COL6A2: variants seen among roughly 807,000 people sequenced by gnomAD.
COL6A2 encodes the protein collagen type VI alpha 2 chain.
A neutral mutation model predicts 124.9 loss-of-function variants in COL6A2; 90 were observed. That is an observed-to-expected ratio of 0.72 (90% CI 0.61 to 0.86). The LOEUF is 0.86. Ranked by LOEUF, COL6A2 falls within the 40% of genes least tolerant of loss-of-function variation. COL6A2 has a pLI of 0.00. For synonymous variants in COL6A2, 793 were observed against 618.2 expected (o/e 1.28, Z -4.19); for missense variants, 1,607 against 1,502.5 (o/e 1.07, Z -1.15).
intron 21 of COL6A2, 99 bp downstream of exon 21, chr21:46,123,036 C>T: frequency 1.7e-6 from 2 of 1,210,714 alleles, no homozygotes; most frequent in South Asian, 1.2e-5. Flanking sequence ...GAACGCCAGG[C>T]AGCTTGGCCC....
rs992462694 is a variant in COL6A2, at chr21:46,098,113, C to T, written c.-88C>T. ...GGGCGGCGCCGGCCGCGGTTCCCTCCCTGCTGCTTACTCGGCGCCCGCGCC... is the reference window on the plus strand; with the variant it reads ...GGGCGGCGCCGGCCGCGGTTCCCTCTCTGCTGCTTACTCGGCGCCCGCGCC... On this transcript the variant is annotated 5_prime_UTR_variant, in exon 1 of 28. Coordinates refer to ENST00000300527, the MANE Select transcript of COL6A2 (RefSeq NM_001849.4). 6 of 152,150 alleles carry T rather than the reference C, an allele frequency of 3.9e-5. No homozygotes were observed. Among genetic ancestry groups the T allele is most frequent in the Admixed American group, 3.9e-4 (6 of 15,284 alleles). 9.4% of individuals were successfully genotyped at this position (152,150 alleles called of 1,614,324 possible).
chr21:46,128,699 G>C (rs2078712534), intron 27 of COL6A2, among the ~76,000 whole-genome samples: 1 of 152,262 alleles, frequency 6.6e-6, no homozygotes, highest in Non-Finnish European at 1.5e-5. Flanking sequence ...TCGGTGGAAA[G>C]AAAAGGCAGA....
At chr21:46,117,770 TG>T in intron 11 of COL6A2, 103 bp from the exon 12 acceptor site, 2 of 1,175,210 alleles carry the variant, frequency 1.7e-6, no homozygotes, top group Non-Finnish European at 2.5e-6. Flanking sequence ...ACAGTGAGGG[TG>T]GGAGGTGCGT....
chr21:46,129,028 C>T, intron 27 of COL6A2: 2 of 1,603,042 alleles, frequency 1.2e-6, no homozygotes, highest in Non-Finnish European at 1.7e-6. Flanking sequence ...GCCCCCACGC[C>T]TCCTGCCAAG....
intron 18 of COL6A2, 77 bp from the exon 19 acceptor site, chr21:46,122,031 T>TAAG: frequency 6.7e-7 from 1 of 1,486,144 alleles, no homozygotes; most frequent in South Asian, 1.2e-5. Flanking sequence ...AGTGTGCACC[T>TAAG]TGCGCCCTGT....
At chr21:46,126,258 C>T (rs1052124629) in intron 26 of COL6A2, 21 bp downstream of exon 26, 61 of 1,596,522 alleles carry the variant, frequency 3.8e-5, no homozygotes, top group Non-Finnish European at 4.6e-5. Flanking sequence ...GGGCGCGGGG[C>T]AGTCGGCCGA....
intron 17 of COL6A2, 88 bp from the exon 18 acceptor site, chr21:46,121,468 G>C (rs923485724): frequency 1.5e-6 from 2 of 1,312,466 alleles, no homozygotes; most frequent in Admixed American, 1.7e-5. Context: ...TGGCCTGGTG[G>C]TCAGGGCTGG....
chr21:46,118,699 CTGCAGCTGA>C (rs1392834154), intron 13 of COL6A2, 23 bp downstream of exon 13: 1 of 1,601,192 alleles, frequency 6.2e-7, no homozygotes, highest in African/African-American at 1.3e-5. Flanking sequence ...GCCTCTTCGC[CTGCAGCTGA>C]GCTGGCCACA....
intron 1 of COL6A2, among the ~76,000 whole-genome samples, chr21:46,106,714 G>A (rs556923538): frequency 4.0e-4 from 61 of 152,288 alleles, no homozygotes; most frequent in Middle Eastern, 3.4e-3. Flanking sequence ...AGGCCACCAT[G>A]TCATAGCCTA....
chr21:46,117,565 A>G (rs992429722), intron 11 of COL6A2, 112 bp downstream of exon 11: 62 of 1,085,774 alleles, frequency 5.7e-5, no homozygotes, highest in Middle Eastern at 2.8e-4. Flanking sequence ...CCGGCAGCCC[A>G]GCAGCCCCAG....
intron 26 of COL6A2, 39 bp downstream of exon 26, chr21:46,126,276 C>A: frequency 6.3e-7 from 1 of 1,589,910 alleles, no homozygotes; most frequent in Non-Finnish European, 8.5e-7. Context: ...CGAGGAGCAG[C>A]AGGCCCCAGC....
intron 1 of COL6A2, among the ~76,000 whole-genome samples, chr21:46,106,540 T>C (rs2078336800): frequency 6.6e-6 from 1 of 152,246 alleles, no homozygotes; most frequent in Admixed American, 6.5e-5. Context: ...AGATTTTTCA[T>C]TGACATTTTA....
At chr21:46,127,333 G>A (rs896590222) in intron 27 of COL6A2, among the ~76,000 whole-genome samples, 5 of 152,124 alleles carry the variant, frequency 3.3e-5, no homozygotes, top group African/African-American at 1.2e-4. Flanking sequence ...CGCGGTGTGC[G>A]TTCGGGCGTT....
chr21:46,131,119 G>A (rs1440700639), intron 27 of COL6A2, among the ~76,000 whole-genome samples: 1 of 152,194 alleles, frequency 6.6e-6, no homozygotes, highest in African/African-American at 2.4e-5. Context: ...AGACACCCTT[G>A]GGGAAACTGG....
At position 46,102,019 on chromosome 21, in the gene COL6A2, A is replaced by G. The variant is rs75626012; in HGVS notation, c.-28+3846A>G. ...GGTGGTATTGACATCTTAATATAGT[A>G]AGTCTTCCAATCTATGAACATGAAT... On this transcript the variant is annotated intron_variant, in intron 1 of 27. Coordinates refer to ENST00000300527, the MANE Select transcript of COL6A2 (RefSeq NM_001849.4). Among the ~76,000 whole-genome samples the G allele has an allele frequency of 1.8e-4, 28 of 151,500 alleles. No individual in the cohort carries two copies. The East Asian group carries it at 5.2e-3, about 28-fold the overall frequency.
chr21:46,124,746 C>G (rs367642263), intron 22 of COL6A2, 33 bp downstream of exon 22: 284 of 1,609,356 alleles, frequency 1.8e-4, no homozygotes, highest in Non-Finnish European at 2.2e-4. Flanking sequence ...TGCCCTCCCC[C>G]CAACCTGCCA....
intron 27 of COL6A2, chr21:46,128,782 GAGGA>G (rs1182777443): frequency 3.5e-6 from 3 of 845,296 alleles, no homozygotes; most frequent in South Asian, 1.3e-5. Flanking sequence ...CAGAGAGGCT[GAGGA>G]AGGGTTTACC....
In COL6A2 at chr21:46,125,940, T is replaced by A; in HGVS notation, c.2125T>A (p.Phe709Ile). The A allele has an allele frequency of 6.2e-7, 1 of 1,613,064 alleles. No homozygotes were observed. The highest frequency in any genetic ancestry group is 8.5e-7 in the Non-Finnish European group (1 of 1,179,946). Residue 709 changes from phenylalanine to isoleucine, a missense_variant, in exon 26 of 28, where the codon TTT (phenylalanine) becomes ATT (isoleucine). This residue lies in a region of COL6A2 where 1,223 missense variants were observed against 1,052.2 expected (regional missense o/e 1.16). Coordinates refer to ENST00000300527, the MANE Select transcript of COL6A2 (RefSeq NM_001849.4). ...GGTWTPSALK[F>I]AYDRLIKESR... Reference sequence around the variant, plus strand: ...CACCTGGACACCCTCAGCCCTCAAGTTTGCCTACGACCGCCTCATCAAGGA... The same window carrying A: ...CACCTGGACACCCTCAGCCCTCAAGATTGCCTACGACCGCCTCATCAAGGA...
rs546722553 is a variant in COL6A2 at position 46,127,341 on chromosome 21, G to A, written c.2461+800G>A. 2.0e-5 allele frequency among the ~76,000 whole-genome samples: 3 copies of A among 152,242 alleles called. No homozygotes were observed. In the East Asian group the frequency reaches 5.8e-4, roughly 29 times the overall value. ...CGCGGGTCGCGGTGTGCGTTCGGGCGTTCCATGGGGAGCTCCCGGTGGGTG... is the reference window on the plus strand; with the variant it reads ...CGCGGGTCGCGGTGTGCGTTCGGGCATTCCATGGGGAGCTCCCGGTGGGTG... On this transcript the variant is annotated intron_variant, in intron 27 of 27. Transcript: ENST00000300527.
Sources: gnomAD v4.1 joint callset for allele counts (sites outside exome capture counted in the v4.1 genomes callset) on GRCh38, gnomAD v4.1.1 for gene constraint, gnomAD v4.1.1 regional missense constraint, MANE v1.5 for transcripts, NCBI Gene and HGNC (gene_info 2026-07-23, HGNC 2026-07-21) for gene names.